ADAM12: variants seen among roughly 807,000 people sequenced by gnomAD.
ADAM12 encodes the protein ADAM metallopeptidase domain 12.
In ADAM12, 70 loss-of-function variants were observed where a neutral mutation model predicts 106.4. The observed-to-expected ratio is 0.66, with a 90% CI of 0.54 to 0.80. The LOEUF is 0.80. ADAM12 is among the 30% of genes least tolerant of loss of function. ADAM12 has a pLI of 0.00. For missense variants in ADAM12, 1,010 were observed against 1,171.9 expected, an observed-to-expected ratio of 0.86 and a Z score of 2.02; for synonymous variants, 420 against 433.5, an observed-to-expected ratio of 0.97 and a Z score of 0.39.
chr10:126,204,247 C>T (rs564133964), intron 3 of ADAM12, among the ~76,000 whole-genome samples: 30 of 152,306 alleles, frequency 2.0e-4, no homozygotes, highest in Admixed American at 4.6e-4. Context: ...TAACAAGAAG[C>T]GTAATACAAG....
chr10:126,193,694 C>T (rs925370507), intron 3 of ADAM12, among the ~76,000 whole-genome samples: 1 of 152,056 alleles, frequency 6.6e-6, no homozygotes, highest in Non-Finnish European at 1.5e-5. Context: ...GTCAGGGGTT[C>T]GAGACCAGCC....
intron 3 of ADAM12, among the ~76,000 whole-genome samples, chr10:126,236,342 C>T (rs1229247662): frequency 6.6e-6 from 1 of 152,172 alleles, no homozygotes; most frequent in Non-Finnish European, 1.5e-5. Context: ...ATGCCAGGGC[C>T]TGCGATGGGG....
intron 3 of ADAM12, among the ~76,000 whole-genome samples, chr10:126,155,952 T>C (rs1218860952): frequency 1.7e-5 from 2 of 114,882 alleles, no homozygotes; most frequent in African/African-American, 6.6e-5. Context: ...ACCCCGTTTA[T>C]GCTATTAATA....
chr10:126,032,261 A>C lies in ADAM12; in HGVS notation c.2529+3885T>G, dbSNP rs58162711. Among the ~76,000 whole-genome samples, 731 of 152,308 alleles carry C rather than the reference A, an allele frequency of 4.8e-3. 7 individuals carry two copies. Among genetic ancestry groups the C allele is most frequent in the African/African-American group, 0.016 (666 of 41,572 alleles). On this transcript the variant is annotated intron_variant, in intron 21 of 22. Coordinates refer to ENST00000448723, the MANE Select transcript of ADAM12 (RefSeq NM_001288973.2). Reference sequence around the variant, plus strand: ...AAAGTACAAAATGTCAGTGGATTCAATTTGTGCTGCCAAACAAGAGTCACC... The same window carrying C: ...AAAGTACAAAATGTCAGTGGATTCACTTTGTGCTGCCAAACAAGAGTCACC...
chr10:126,262,390 A>G (rs1007490766), intron 3 of ADAM12, among the ~76,000 whole-genome samples: 1 of 152,204 alleles, frequency 6.6e-6, no homozygotes, highest in Non-Finnish European at 1.5e-5. Context: ...GGCAACAAAG[A>G]GTGGCCACTT....
intron 1 of ADAM12, among the ~76,000 whole-genome samples, chr10:126,363,682 C>T (rs535548499): frequency 1.3e-4 from 20 of 152,116 alleles, no homozygotes; most frequent in Admixed American, 3.9e-4. Context: ...TAGCCTGCTA[C>T]GGAGATGGGA....
intron 5 of ADAM12, among the ~76,000 whole-genome samples, chr10:126,131,148 G>C (rs1470093020): frequency 9.3e-6 from 1 of 107,332 alleles, no homozygotes; most frequent in Non-Finnish European, 1.9e-5. Flanking sequence ...AAAGCTCATT[G>C]CATTTCTTTG....
At chr10:126,209,319 T>G (rs1051137521) in intron 3 of ADAM12, among the ~76,000 whole-genome samples, 2 of 152,238 alleles carry the variant, frequency 1.3e-5, no homozygotes, top group Non-Finnish European at 2.9e-5. Flanking sequence ...AAAATTCTGT[T>G]AGATATGTAA....
intron 11 of ADAM12, among the ~76,000 whole-genome samples, chr10:126,092,242 T>C (rs10794059): frequency 0.61 from 92,994 of 152,106 alleles, 31,503 homozygotes; most frequent in Non-Finnish European, 0.75. Context: ...TCAGGGAAAT[T>C]AGACACACAG....
intron 2 of ADAM12, among the ~76,000 whole-genome samples, chr10:126,281,209 T>G (rs1959563252): frequency 6.6e-6 from 1 of 152,174 alleles, no homozygotes; most frequent in African/African-American, 2.4e-5. Flanking sequence ...GTCTCAATAT[T>G]CTGTCAAAAT....
chr10:126,054,766 T>G (rs1954591856), intron 14 of ADAM12, among the ~76,000 whole-genome samples: 1 of 152,108 alleles, frequency 6.6e-6, no homozygotes, highest in East Asian at 1.9e-4. Flanking sequence ...CATCAGTGTG[T>G]AGAGCTCCTG....
chr10:126,098,297 T>G, intron 10 of ADAM12, 119 bp downstream of exon 10: 1 of 810,556 alleles, frequency 1.2e-6, no homozygotes, highest in Non-Finnish European at 2.0e-6. Context: ...ACAGTAAAAA[T>G]AGAGTTAAAT....
chr10:126,228,757 C>T (rs1453642395), intron 3 of ADAM12, among the ~76,000 whole-genome samples: 4 of 152,194 alleles, frequency 2.6e-5, no homozygotes, highest in Non-Finnish European at 4.4e-5. Context: ...CCATGCTCTG[C>T]AGTAGACATG....
intron 4 of ADAM12, among the ~76,000 whole-genome samples, chr10:126,149,702 T>G (rs1201398193): frequency 6.6e-6 from 1 of 152,222 alleles, no homozygotes; most frequent in Non-Finnish European, 1.5e-5. Context: ...TTCCTGCCCT[T>G]GAACATCGGA....
intron 21 of ADAM12, among the ~76,000 whole-genome samples, chr10:126,023,980 T>C (rs1180035879): frequency 6.6e-6 from 1 of 150,916 alleles, no homozygotes; most frequent in East Asian, 1.9e-4. Context: ...AGCAGTAACA[T>C]ATCCAAAGAC....
At chr10:126,373,200 T>G (rs1312186052) in intron 1 of ADAM12, among the ~76,000 whole-genome samples, 1 of 152,196 alleles carries the variant, frequency 6.6e-6, no homozygotes, top group Non-Finnish European at 1.5e-5. Flanking sequence ...ATGGAATGAA[T>G]TCACTATACA....
chr10:126,237,727 G>A (rs528556208), intron 3 of ADAM12, among the ~76,000 whole-genome samples: 2 of 152,090 alleles, frequency 1.3e-5, no homozygotes, highest in Non-Finnish European at 2.9e-5. Flanking sequence ...CCAATCACAC[G>A]CTGACAATCA....
rs899031864 is a variant in ADAM12 at position 126,321,604 on chromosome 10, T to C, written c.186+8808A>G. On this transcript the variant is annotated intron_variant, in intron 2 of 22. Coordinates refer to ENST00000448723, the MANE Select transcript of ADAM12 (RefSeq NM_001288973.2). ...AAGGAGGAGTGAACAGGAAAGACCC[T>C]GGCAGGGAGTTGGGATGCAACAATC... 3.9e-5 allele frequency among the ~76,000 whole-genome samples: 6 copies of C among 152,082 alleles called. No individual in the cohort carries two copies. The South Asian group carries it at 6.2e-4, about 16-fold the overall frequency.
At chr10:126,155,389 C>A in intron 3 of ADAM12, 84 bp from the exon 4 acceptor site, 3 of 1,247,688 alleles carry the variant, frequency 2.4e-6, no homozygotes, top group East Asian at 2.4e-5. Context: ...TATAGGGTAG[C>A]AAGATTGTGA....
Sources: allele counts gnomAD v4.1 joint callset (sites outside exome capture counted in the v4.1 genomes callset), GRCh38; gene constraint gnomAD v4.1.1; transcripts MANE v1.5; gene names NCBI Gene and HGNC (gene_info 2026-07-23, HGNC 2026-07-21).